KIF16B: variants seen among roughly 807,000 people sequenced by gnomAD.
KIF16B encodes the protein kinesin-like protein KIF16B.
Under a neutral mutation model 156.3 loss-of-function variants are expected in KIF16B, and 98 were observed. The ratio of observed to expected loss-of-function variants is 0.63; its 90% CI spans 0.53 to 0.74. KIF16B has a LOEUF of 0.74. KIF16B is among the 30% of genes least tolerant of loss of function. KIF16B has a pLI of 0.00. For synonymous variants in KIF16B, 564 were observed against 583.7 expected (o/e 0.97, Z 0.49); for missense variants, 1,421 against 1,606.5 (o/e 0.88, Z 1.97).
At chr20:16,471,841 T>C (rs1178953235) in intron 12 of KIF16B, among the ~76,000 whole-genome samples, 1 of 152,224 alleles carries the variant, frequency 6.6e-6, no homozygotes, top group Admixed American at 6.5e-5. Flanking sequence ...ATATTTATTC[T>C]TTTTTCCATT....
intron 15 of KIF16B, among the ~76,000 whole-genome samples, chr20:16,409,958 TATATATATATAC>T (rs1431391815): frequency 0.025 from 956 of 38,700 alleles, 40 homozygotes; most frequent in African/African-American, 0.03. Context: ...CATATATATA[TATATATATATAC>T]ATATATATAT....
At chr20:16,396,782 G>A (rs1434505480) in intron 17 of KIF16B, among the ~76,000 whole-genome samples, 2 of 151,866 alleles carry the variant, frequency 1.3e-5, no homozygotes, top group Non-Finnish European at 2.9e-5. Context: ...TCTGAGTTAG[G>A]GGCCTTCCGT....
chr20:16,561,643 C>A (rs548278027), intron 1 of KIF16B, among the ~76,000 whole-genome samples: 2 of 152,030 alleles, frequency 1.3e-5, no homozygotes, highest in East Asian at 3.9e-4. Context: ...AGTGGAGAAA[C>A]CCTGCAGATA....
chr20:16,488,857 A>G (rs2068201553), intron 12 of KIF16B, among the ~76,000 whole-genome samples: 1 of 152,228 alleles, frequency 6.6e-6, no homozygotes. Context: ...GAAAAACCCA[A>G]GAAGAGAGCT....
chr20:16,309,735 T>C (rs2063591645), intron 25 of KIF16B, among the ~76,000 whole-genome samples: 1 of 152,236 alleles, frequency 6.6e-6, no homozygotes, highest in Non-Finnish European at 1.5e-5. Flanking sequence ...ATATTAATAA[T>C]CAGTTGGATA....
chr20:16,360,999 T>C (rs1313905003), intron 22 of KIF16B, among the ~76,000 whole-genome samples: 4 of 152,158 alleles, frequency 2.6e-5, no homozygotes, highest in African/African-American at 7.2e-5. Context: ...GACGGTCAAA[T>C]TCAGTATACA....
At chr20:16,495,447 G>A (rs1031309738) in intron 11 of KIF16B, among the ~76,000 whole-genome samples, 1 of 152,234 alleles carries the variant, frequency 6.6e-6, no homozygotes, top group Non-Finnish European at 1.5e-5. Flanking sequence ...TATCTGCAGT[G>A]ATGGTTTATC....
In KIF16B at chr20:16,272,964, G is replaced by C. The variant is rs2046911730; in HGVS notation, c.*289C>G. On this transcript the variant is annotated 3_prime_UTR_variant, in exon 26 of 26. Transcript: ENST00000354981. ...CCCAACCACATCTATCTTGCCACAG[G>C]GGACGAACTTTGCTGCGCAGTGAGA... is the stretch of plus-strand genomic sequence containing the variant. 3.3e-6 allele frequency: 1 copy of C among 303,458 alleles called. No individual in the cohort carries two copies. Among genetic ancestry groups the C allele is most frequent in the Non-Finnish European group, 6.2e-6 (1 of 162,112 alleles). 18.8% of individuals were successfully genotyped at this position (303,458 alleles called of 1,614,324 possible). A position where few individuals can be genotyped will look rare whatever the true frequency, so the allele number is the denominator to read the frequency against.
chr20:16,448,554 T>A (rs1025010592), intron 12 of KIF16B, among the ~76,000 whole-genome samples: 1 of 152,112 alleles, frequency 6.6e-6, no homozygotes. Context: ...AGGCCACTCC[T>A]CAGCCAGGCA....
At chr20:16,416,014 CT>C (rs1397890914) in intron 15 of KIF16B, among the ~76,000 whole-genome samples, 1 of 152,108 alleles carries the variant, frequency 6.6e-6, no homozygotes, top group African/African-American at 2.4e-5. Flanking sequence ...TGTATGTCTT[CT>C]TTTGAGAAGT....
intron 17 of KIF16B, among the ~76,000 whole-genome samples, chr20:16,391,945 G>A (rs1034876328): frequency 6.6e-6 from 1 of 152,190 alleles, no homozygotes; most frequent in African/African-American, 2.4e-5. Context: ...AGTGGCATGA[G>A]CTTCACAGCC....
At chr20:16,473,402 C>T (rs147464837) in intron 12 of KIF16B, among the ~76,000 whole-genome samples, 12 of 152,284 alleles carry the variant, frequency 7.9e-5, no homozygotes, top group African/African-American at 2.9e-4. Context: ...CAAACATTTC[C>T]CAAGGGTCTG....
intron 25 of KIF16B, among the ~76,000 whole-genome samples, chr20:16,277,153 A>C (rs1214561631): frequency 1.3e-5 from 2 of 152,168 alleles, no homozygotes; most frequent in Non-Finnish European, 2.9e-5. Context: ...TCCATGGCTT[A>C]ATGCCGTGTC....
At chr20:16,421,952 A>G (rs772763394) in intron 15 of KIF16B, among the ~76,000 whole-genome samples, 9 of 152,116 alleles carry the variant, frequency 5.9e-5, no homozygotes, top group Non-Finnish European at 1.2e-4. Flanking sequence ...TTCAATGCCA[A>G]TTAGTACCAG....
At chr20:16,535,232 C>T (rs914915686) in intron 1 of KIF16B, among the ~76,000 whole-genome samples, 2 of 151,958 alleles carry the variant, frequency 1.3e-5, no homozygotes, top group Non-Finnish European at 2.9e-5. Flanking sequence ...AAATTTATTC[C>T]CAAGTATTTT....
intron 23 of KIF16B, among the ~76,000 whole-genome samples, chr20:16,343,414 C>T (rs1456650129): frequency 6.6e-6 from 1 of 152,116 alleles, no homozygotes; most frequent in African/African-American, 2.4e-5. Context: ...GTTTTTCATT[C>T]AAGGAATCAT....
chr20:16,441,275 C>A (rs1447169831), intron 12 of KIF16B, among the ~76,000 whole-genome samples: 2 of 152,140 alleles, frequency 1.3e-5, no homozygotes, highest in Non-Finnish European at 2.9e-5. Context: ...TGTTTCTCAC[C>A]CACGGAAATA....
In KIF16B at chr20:16,484,060, C is replaced by T. The variant is rs146008838; in HGVS notation, c.1302+10231G>A. 3.5e-3 allele frequency among the ~76,000 whole-genome samples: 539 copies of T among 152,262 alleles called. 6 individuals are homozygous for T. The highest frequency in any genetic ancestry group is 3.2e-3 in the Non-Finnish European group (218 of 68,032). Reference sequence around the variant, plus strand: ...CGTAGCAATAAATACGCAGTCAGAGCCCATCAGCGCACATGCCTCGCCGCA... The same window carrying T: ...CGTAGCAATAAATACGCAGTCAGAGTCCATCAGCGCACATGCCTCGCCGCA... On this transcript the variant is annotated intron_variant, in intron 12 of 25. Coordinates refer to ENST00000354981, the MANE Select transcript of KIF16B (RefSeq NM_024704.5).
intron 24 of KIF16B, among the ~76,000 whole-genome samples, 179 bp from the exon 25 acceptor site, chr20:16,312,597 C>T (rs1199584255): frequency 6.6e-6 from 1 of 152,136 alleles, no homozygotes; most frequent in African/African-American, 2.4e-5. Context: ...GATAAAGCAA[C>T]CTTGGGTCAC....
Sources: allele counts gnomAD v4.1 joint callset (sites outside exome capture counted in the v4.1 genomes callset), GRCh38; gene constraint gnomAD v4.1.1; transcripts MANE v1.5; gene names NCBI Gene and HGNC (gene_info 2026-07-23, HGNC 2026-07-21).